LCLAT1: variants seen among roughly 807,000 people sequenced by gnomAD.
LCLAT1 encodes 1-AGP acyltransferase 8.
Under a neutral mutation model 30.7 loss-of-function variants are expected in LCLAT1, and 11 were observed. The observed-to-expected ratio is 0.36, with a 90% CI of 0.23 to 0.59. The LOEUF (loss-of-function observed/expected upper bound fraction) is 0.59, where lower values mean the gene tolerates loss of function less well. LCLAT1 is among the 20% of genes least tolerant of loss of function. The pLI, the probability that LCLAT1 is intolerant of heterozygous loss-of-function variation, is 0.77. For missense variants in LCLAT1, 402 were observed against 458.6 expected, an observed-to-expected ratio of 0.88 and a Z score of 1.13; for synonymous variants, 155 against 151.3, an observed-to-expected ratio of 1.02 and a Z score of -0.18.
intron 1 of LCLAT1, among the ~76,000 whole-genome samples, chr2:30,460,722 A>C (rs1215096149): frequency 6.6e-6 from 1 of 152,160 alleles, no homozygotes; most frequent in Non-Finnish European, 1.5e-5. Flanking sequence ...TAGATAGTTC[A>C]GGAAAGGAGC....
At chr2:30,528,528 A>G (rs1685838707) in intron 2 of LCLAT1, among the ~76,000 whole-genome samples, 1 of 152,158 alleles carries the variant, frequency 6.6e-6, no homozygotes, top group Non-Finnish European at 1.5e-5. Flanking sequence ...AAAGATAGAT[A>G]TTTTTAAACA....
chr2:30,461,960 G>A lies in LCLAT1; in HGVS notation c.-5+14577G>A, dbSNP rs954262373. Reference sequence around the variant, plus strand: ...TAATTTTTTTGTGTTTTTTAGTAGAGACGGGGTTTCACTGTGTTAGCCAGG... The same window carrying A: ...TAATTTTTTTGTGTTTTTTAGTAGAAACGGGGTTTCACTGTGTTAGCCAGG... On this transcript the variant is annotated intron_variant, in intron 1 of 5. Coordinates refer to ENST00000379509, the MANE Select transcript of LCLAT1 (RefSeq NM_001002257.3). 7.3e-5 allele frequency among the ~76,000 whole-genome samples: 11 copies of A among 151,374 alleles called. No homozygotes were observed. The South Asian group carries it at 2.3e-3, about 32-fold the overall frequency.
chr2:30,572,594 C>T (rs894925616), intron 5 of LCLAT1, among the ~76,000 whole-genome samples: 1 of 152,188 alleles, frequency 6.6e-6, no homozygotes, highest in Admixed American at 6.5e-5. Context: ...CAGGGTCATA[C>T]TGCTGCTGAG....
intron 5 of LCLAT1, among the ~76,000 whole-genome samples, chr2:30,598,446 A>G (rs58489095): frequency 0.01 from 1,465 of 143,620 alleles, 30 homozygotes; most frequent in African/African-American, 0.036. Flanking sequence ...AGAGGTGTTT[A>G]TAGTATTCTC....
At chr2:30,585,808 T>TCA (rs1267875594) in intron 5 of LCLAT1, among the ~76,000 whole-genome samples, 2 of 152,182 alleles carry the variant, frequency 1.3e-5, no homozygotes, top group East Asian at 3.9e-4. Flanking sequence ...GGGTCTTGCC[T>TCA]GCTGCTTGCC....
chr2:30,600,759 G>C (rs112345715), intron 5 of LCLAT1, among the ~76,000 whole-genome samples: 2,030 of 152,082 alleles, frequency 0.013, 15 homozygotes, highest in Non-Finnish European at 0.019. Context: ...TATGTGTCTT[G>C]GTCTATGATG....
chr2:30,541,630 T>G (rs1399951936), intron 3 of LCLAT1, among the ~76,000 whole-genome samples: 1 of 152,234 alleles, frequency 6.6e-6, no homozygotes, highest in East Asian at 1.9e-4. Context: ...CCATGCTGTT[T>G]TATTTACCAT....
At chr2:30,463,946 T>C (rs1682295782) in intron 1 of LCLAT1, among the ~76,000 whole-genome samples, 1 of 152,252 alleles carries the variant, frequency 6.6e-6, no homozygotes, top group African/African-American at 2.4e-5. Context: ...TTTTATCTTT[T>C]CTTACTTTTA....
At chr2:30,635,514 T>C (rs2250956) in intron 5 of LCLAT1, among the ~76,000 whole-genome samples, 54,877 of 151,936 alleles carry the variant, frequency 0.36, 10,338 homozygotes, top group Non-Finnish European at 0.41. Flanking sequence ...TTGCTTATAA[T>C]ATAGATGACA....
In LCLAT1 at chr2:30,494,236, A is replaced by C. The variant is rs1425471393; in HGVS notation, c.-4-31351A>C. ...AGACCCTGTCTTAAAACCAAAAAAC[A>C]AAAAGACCAAAACCAAAAACAAAAT... is the stretch of plus-strand genomic sequence containing the variant. On this transcript the variant is annotated intron_variant, in intron 1 of 5. Transcript: ENST00000379509. Among the ~76,000 whole-genome samples the C allele has an allele frequency of 2.0e-5, 3 of 152,118 alleles. No individual in the cohort carries two copies. The East Asian group carries it at 5.8e-4, about 29-fold the overall frequency.
At chr2:30,621,500 C>T (rs550132120) in intron 5 of LCLAT1, among the ~76,000 whole-genome samples, 3 of 152,110 alleles carry the variant, frequency 2.0e-5, no homozygotes, top group African/African-American at 7.2e-5. Flanking sequence ...AGACTCACAT[C>T]GTGGGCTTTT....
intron 1 of LCLAT1, among the ~76,000 whole-genome samples, chr2:30,520,820 A>G (rs1188076295): frequency 6.6e-6 from 1 of 152,244 alleles, no homozygotes; most frequent in Non-Finnish European, 1.5e-5. Flanking sequence ...ATCTACAAAC[A>G]GTAAAGTTCA....
intron 5 of LCLAT1, among the ~76,000 whole-genome samples, chr2:30,625,924 A>G (rs1483151480): frequency 6.6e-6 from 1 of 152,210 alleles, no homozygotes; most frequent in Non-Finnish European, 1.5e-5. Flanking sequence ...AAGGGCTCTT[A>G]CGATACTTAA....
chr2:30,524,511 G>A (rs1294929453), intron 1 of LCLAT1, among the ~76,000 whole-genome samples: 1 of 152,160 alleles, frequency 6.6e-6, no homozygotes, highest in Admixed American at 6.5e-5. Context: ...ATGTTATATG[G>A]AAAATTCCAG....
At chr2:30,459,325 G>C (rs534066774) in intron 1 of LCLAT1, among the ~76,000 whole-genome samples, 1 of 152,138 alleles carries the variant, frequency 6.6e-6, no homozygotes, top group Non-Finnish European at 1.5e-5. Context: ...CTGGAACTTT[G>C]TAGAGGTGGC....
At chr2:30,595,341 C>T (rs13412012) in intron 5 of LCLAT1, among the ~76,000 whole-genome samples, 19,207 of 152,086 alleles carry the variant, frequency 0.13, 1,348 homozygotes, top group South Asian at 0.23. Flanking sequence ...ACGTTTTCTT[C>T]TCTTAGGCTT....
At chr2:30,465,612 T>C (rs1488695374) in intron 1 of LCLAT1, among the ~76,000 whole-genome samples, 1 of 152,252 alleles carries the variant, frequency 6.6e-6, no homozygotes, top group Non-Finnish European at 1.5e-5. Context: ...TCTTATCTAC[T>C]CTTTGCTAAT....
chr2:30,535,826 C>G (rs1037323461), intron 3 of LCLAT1, among the ~76,000 whole-genome samples: 2 of 151,908 alleles, frequency 1.3e-5, no homozygotes, highest in African/African-American at 2.4e-5. Context: ...GTAAAGGAAG[C>G]CTATCAAATG....
chr2:30,470,710 A>G (rs1490662875), intron 1 of LCLAT1, among the ~76,000 whole-genome samples: 1 of 152,050 alleles, frequency 6.6e-6, no homozygotes, highest in African/African-American at 2.4e-5. Flanking sequence ...GAGTCCTCCA[A>G]CTTTGTTCTT....
Sources: allele counts gnomAD v4.1 joint callset (sites outside exome capture counted in the v4.1 genomes callset), GRCh38; gene constraint gnomAD v4.1.1; transcripts MANE v1.5; gene names NCBI Gene and HGNC (gene_info 2026-07-23, HGNC 2026-07-21).